Variants in LGSN observed in about 807,000 individuals in gnomAD.
LGSN encodes lengsin.
A neutral mutation model predicts 19.5 loss-of-function variants in LGSN; 21 were observed. That is an observed-to-expected ratio of 1.07 (90% CI 0.76 to 1.55). LGSN has a LOEUF of 1.55. LGSN is among the 40% of genes most tolerant of loss of function. LGSN has a pLI of 0.00. For synonymous variants in LGSN, 257 were observed against 215.6 expected, an observed-to-expected ratio of 1.19 and a Z score of -1.68; for missense variants, 673 against 608.5, an observed-to-expected ratio of 1.11 and a Z score of -1.12.
At chr6:63,464,483 A>C in the LGSN span, among the ~76,000 whole-genome samples, 6 of 151,518 alleles carry the variant, frequency 4.0e-5, no homozygotes, top group Non-Finnish European at 4.4e-5. Flanking sequence ...AGACAAACCA[A>C]ATAAATAAAG....
the LGSN span, among the ~76,000 whole-genome samples, chr6:63,376,972 G>A: frequency 6.6e-6 from 1 of 152,160 alleles, no homozygotes; most frequent in Non-Finnish European, 1.5e-5. Context: ...CCTTGCTTGT[G>A]CTTTTCTAAT....
chr6:63,480,906 A>T, the LGSN span, among the ~76,000 whole-genome samples: 1 of 146,828 alleles, frequency 6.8e-6, no homozygotes, highest in East Asian at 2.0e-4. Flanking sequence ...AACCAACCTA[A>T]GTGCCCACTG....
chr6:63,564,849 G>A, the LGSN span, among the ~76,000 whole-genome samples: 779 of 152,216 alleles, frequency 5.1e-3, 6 homozygotes, highest in African/African-American at 0.018. Flanking sequence ...AAAATAAGAA[G>A]AGTCTTCTCA....
the LGSN span, among the ~76,000 whole-genome samples, chr6:63,448,699 CTTTT>C: frequency 2.1e-5 from 3 of 145,904 alleles, no homozygotes; most frequent in South Asian, 2.2e-4. Context: ...TCTTCTTATT[CTTTT>C]TGTTTCTTTT....
At chr6:63,561,417 C>T in the LGSN span, among the ~76,000 whole-genome samples, 1 of 152,208 alleles carries the variant, frequency 6.6e-6, no homozygotes, top group African/African-American at 2.4e-5. Context: ...ACAACCAGCA[C>T]ATTCAGTACA....
upstream of LGSN, among the ~76,000 whole-genome samples, chr6:63,321,134 T>G (rs1210452580): frequency 6.6e-6 from 1 of 152,190 alleles, no homozygotes; most frequent in African/African-American, 2.4e-5. Flanking sequence ...TGACTTGCTC[T>G]TGGTGCTTTC....
At chr6:63,350,993 T>C in the LGSN span, among the ~76,000 whole-genome samples, 5,523 of 152,278 alleles carry the variant, frequency 0.036, 345 homozygotes, top group African/African-American at 0.13. Context: ...TATTTGTGTC[T>C]CTTCCACCCA....
rs1767333065 is a variant in LGSN, at chr6:63,281,811, C to T, written c.331-591G>A. Among the ~76,000 whole-genome samples the T allele has an allele frequency of 5.3e-5, 8 of 152,174 alleles. No individual in the cohort carries two copies. The South Asian group carries it at 1.7e-3, about 32-fold the overall frequency. ...TTCCTCTCTTTATTCACTTTTACAA[C>T]CCATTTAAGAATTAAAAACCTCACT... On this transcript the variant is annotated intron_variant, in intron 3 of 3. Transcript: ENST00000370657.
chr6:63,557,815 A>G, the LGSN span, among the ~76,000 whole-genome samples: 1 of 152,178 alleles, frequency 6.6e-6, no homozygotes, highest in Non-Finnish European at 1.5e-5. Flanking sequence ...TCTAAAAGTC[A>G]GTGTAGGATC....
the LGSN span, among the ~76,000 whole-genome samples, chr6:63,399,626 C>T: frequency 6.6e-6 from 1 of 151,708 alleles, no homozygotes; most frequent in African/African-American, 2.4e-5. Context: ...GAACTCCTGA[C>T]CTCAGATGAT....
chr6:63,505,985 C>A, the LGSN span, among the ~76,000 whole-genome samples: 81,452 of 151,948 alleles, frequency 0.54, 23,644 homozygotes, highest in African/African-American at 0.77. Context: ...AGGGTATCTT[C>A]GAAGTCCTTA....
the LGSN span, among the ~76,000 whole-genome samples, chr6:63,356,472 GC>G: frequency 2.0e-5 from 3 of 152,200 alleles, no homozygotes; most frequent in Admixed American, 6.6e-5. Context: ...AACCTGAGAG[GC>G]AGAGGTTGCA....
chr6:63,294,042 A>G (rs1326197469), intron 2 of LGSN, among the ~76,000 whole-genome samples: 2 of 152,144 alleles, frequency 1.3e-5, no homozygotes, highest in Non-Finnish European at 2.9e-5. Context: ...AGAATTTAAA[A>G]ACAGGCCAGG....
chr6:63,354,028 A>ACT, the LGSN span, among the ~76,000 whole-genome samples: 2 of 152,194 alleles, frequency 1.3e-5, no homozygotes, highest in Non-Finnish European at 2.9e-5. Flanking sequence ...TGAGACCTCA[A>ACT]ACTATAAAAC....
At chr6:63,369,552 C>T in the LGSN span, among the ~76,000 whole-genome samples, 1 of 152,160 alleles carries the variant, frequency 6.6e-6, no homozygotes, top group African/African-American at 2.4e-5. Flanking sequence ...ATTGTTGAAC[C>T]ATGGGGCCTA....
the LGSN span, among the ~76,000 whole-genome samples, chr6:63,387,797 C>T: frequency 4.6e-5 from 7 of 152,024 alleles, no homozygotes; most frequent in East Asian, 3.9e-4. Flanking sequence ...AGCCATCCTC[C>T]GACCTCAGCG....
At chr6:63,490,604 T>G in the LGSN span, among the ~76,000 whole-genome samples, 1 of 151,914 alleles carries the variant, frequency 6.6e-6, no homozygotes, top group African/African-American at 2.4e-5. Flanking sequence ...TGAGACAGAG[T>G]CTCATTCTGT....
At chr6:63,506,253 GTGTTGTTGT>G in the LGSN span, among the ~76,000 whole-genome samples, 12 of 44,452 alleles carry the variant, frequency 2.7e-4, no homozygotes, top group East Asian at 3.0e-3. Flanking sequence ...GGTGGTGGTG[GTGTTGTTGT>G]TGTTGTTGTT....
the LGSN span, among the ~76,000 whole-genome samples, chr6:63,348,741 CTTTTT>C: frequency 9.4e-6 from 1 of 106,704 alleles, no homozygotes; most frequent in African/African-American, 3.4e-5. Context: ...AAGATTTTTA[CTTTTT>C]TTTTTTTTTT....
Sources: gnomAD v4.1 joint callset for allele counts (sites outside exome capture counted in the v4.1 genomes callset) on GRCh38, gnomAD v4.1.1 for gene constraint, MANE v1.5 for transcripts, NCBI Gene and HGNC (gene_info 2026-07-23, HGNC 2026-07-21) for gene names.